The following OSBPL9 variants were observed in gnomAD, a reference collection of about 807,000 sequenced individuals.
OSBPL9 encodes oxysterol-binding protein-related protein 9.
A neutral mutation model predicts 106.6 loss-of-function variants in OSBPL9; 40 were observed. The ratio of observed to expected loss-of-function variants is 0.38; its 90% CI spans 0.29 to 0.49. The LOEUF (loss-of-function observed/expected upper bound fraction) is 0.49. OSBPL9 is among the 20% of genes least tolerant of loss of function. OSBPL9 has a pLI of 0.97. For synonymous variants in OSBPL9, 269 were observed against 295.4 expected (o/e 0.91, Z 0.92); for missense variants, 609 against 887.2 (o/e 0.69, Z 3.98).
the OSBPL9 span, among the ~76,000 whole-genome samples, chr1:51,551,967 A>ATGTGTGTGTG: frequency 0.054 from 7,830 of 145,138 alleles, 294 homozygotes; most frequent in African/African-American, 0.11. Context: ...GTGAATAGAA[A>ATGTGTGTGTG]TGTGTGTGTG....
chr1:51,728,720 G>A (rs989562350), intron 4 of OSBPL9, among the ~76,000 whole-genome samples: 8 of 151,956 alleles, frequency 5.3e-5, no homozygotes, highest in Non-Finnish European at 8.8e-5. Context: ...TGTTGTTTTT[G>A]GGGTCTTCAA....
chr1:51,540,148 T>C, the OSBPL9 span, among the ~76,000 whole-genome samples: 1 of 152,170 alleles, frequency 6.6e-6, no homozygotes, highest in Non-Finnish European at 1.5e-5. Context: ...TCCTTCTCAT[T>C]CTTTAGGTCT....
intron 1 of OSBPL9, among the ~76,000 whole-genome samples, chr1:51,631,554 A>AT (rs1326257365): frequency 6.6e-6 from 1 of 152,076 alleles, no homozygotes; most frequent in African/African-American, 2.4e-5. Flanking sequence ...AAGAAAAAAA[A>AT]AAGACCAACC....
At chr1:51,744,473 T>C (rs1035676344) in intron 4 of OSBPL9, among the ~76,000 whole-genome samples, 2 of 152,226 alleles carry the variant, frequency 1.3e-5, no homozygotes, top group African/African-American at 2.4e-5. Flanking sequence ...AGTGCTTTAA[T>C]GATAAAGTAT....
chr1:51,673,095 A>C (rs1650290907), intron 3 of OSBPL9, among the ~76,000 whole-genome samples: 1 of 152,224 alleles, frequency 6.6e-6, no homozygotes, highest in Non-Finnish European at 1.5e-5. Context: ...GCGCAAGATG[A>C]GGTAAAACCA....
chr1:51,543,687 G>T, the OSBPL9 span, among the ~76,000 whole-genome samples: 2 of 152,186 alleles, frequency 1.3e-5, no homozygotes, highest in African/African-American at 4.8e-5. Context: ...GAGCCACTGC[G>T]CCTGGCCTCA....
At chr1:51,555,549 A>C in the OSBPL9 span, among the ~76,000 whole-genome samples, 1 of 152,036 alleles carries the variant, frequency 6.6e-6, no homozygotes, top group Admixed American at 6.6e-5. Flanking sequence ...ATGCAAGCAG[A>C]ATTTAAGATT....
At chr1:51,775,995 G>A (rs201420229) in intron 14 of OSBPL9, among the ~76,000 whole-genome samples, 1 of 152,036 alleles carries the variant, frequency 6.6e-6, no homozygotes, top group Non-Finnish European at 1.5e-5. Flanking sequence ...CTTACTCTGG[G>A]GTGTTCTACT....
intron 1 of OSBPL9, among the ~76,000 whole-genome samples, chr1:51,640,670 G>A (rs1340021753): frequency 3.9e-5 from 6 of 152,136 alleles, no homozygotes; most frequent in African/African-American, 1.4e-4. Flanking sequence ...TGTTGGATGA[G>A]TAAGATAACT....
the OSBPL9 span, among the ~76,000 whole-genome samples, chr1:51,524,648 G>T: frequency 6.6e-6 from 1 of 152,006 alleles, no homozygotes; most frequent in Non-Finnish European, 1.5e-5. Flanking sequence ...CCACTTAATG[G>T]TTTTTTACAT....
At chr1:51,735,734 G>A (rs1032981389) in intron 4 of OSBPL9, among the ~76,000 whole-genome samples, 4 of 152,200 alleles carry the variant, frequency 2.6e-5, no homozygotes, top group African/African-American at 9.7e-5. Flanking sequence ...TGAATTCTAA[G>A]GTCCAGCATA....
At chr1:51,573,763 G>A (rs1391403958), upstream of OSBPL9, among the ~76,000 whole-genome samples, 2 of 148,584 alleles carry the variant, frequency 1.3e-5, no homozygotes, top group Non-Finnish European at 3.0e-5. Flanking sequence ...GCAGTGAGCC[G>A]AGATTGCACC....
At chr1:51,751,906 G>A (rs1426115228) in intron 8 of OSBPL9, among the ~76,000 whole-genome samples, 2 of 152,118 alleles carry the variant, frequency 1.3e-5, no homozygotes, top group East Asian at 1.9e-4. Context: ...AGGGTTCTTC[G>A]CAATGGATAA....
At chr1:51,714,158 TAAA>T in intron 4 of OSBPL9, 79 bp downstream of exon 4, 2 of 1,037,682 alleles carry the variant, frequency 1.9e-6, no homozygotes, top group Non-Finnish European at 2.8e-6. Context: ...TTTTTTTTTT[TAAA>T]TAACTGTGGT....
chr1:51,564,063 A>AAAAAAAAAAAAG, the OSBPL9 span, among the ~76,000 whole-genome samples: 2 of 147,866 alleles, frequency 1.4e-5, no homozygotes, highest in African/African-American at 4.9e-5. Context: ...AAAAAAAAAA[A>AAAAAAAAAAAAG]AAAAAAAGAA....
intron 3 of OSBPL9, chr1:51,708,197 C>G (rs569313778): frequency 6.4e-6 from 1 of 156,008 alleles, no homozygotes; most frequent in Non-Finnish European, 1.4e-5. Context: ...GGCTGTCTGT[C>G]AAATGAGAGG....
intron 1 of OSBPL9, among the ~76,000 whole-genome samples, chr1:51,621,505 C>CA (rs201132605): frequency 0.042 from 2,959 of 71,254 alleles, 99 homozygotes; most frequent in African/African-American, 0.12. Context: ...GACTCCGTCT[C>CA]AAAAAAAAAA....
the OSBPL9 span, among the ~76,000 whole-genome samples, chr1:51,549,154 C>T: frequency 6.6e-6 from 1 of 152,218 alleles, no homozygotes; most frequent in Non-Finnish European, 1.5e-5. Context: ...AAGAAGTTCT[C>T]ACTGCTGCTC....
intron 2 of OSBPL9, among the ~76,000 whole-genome samples, chr1:51,602,018 C>CTTTTTTTTCT (rs1645327048): frequency 1.3e-5 from 1 of 76,406 alleles, no homozygotes; most frequent in Non-Finnish European, 2.3e-5. Context: ...TCTTGGGGTT[C>CTTTTTTTTCT]TTTTTTTTTT....
Sources: gnomAD v4.1 joint callset for allele counts (sites outside exome capture counted in the v4.1 genomes callset) on GRCh38, gnomAD v4.1.1 for gene constraint, MANE v1.5 for transcripts, NCBI Gene and HGNC (gene_info 2026-07-23, HGNC 2026-07-21) for gene names.